The following DMGDH variants were observed in gnomAD, a reference collection of about 807,000 sequenced individuals.
DMGDH encodes dimethylglycine dehydrogenase, mitochondrial.
In DMGDH, 76 loss-of-function variants were observed where a neutral mutation model predicts 95.2. The observed-to-expected ratio is 0.80, with a 90% CI of 0.66 to 0.97. The LOEUF (loss-of-function observed/expected upper bound fraction) is 0.97, where lower values mean the gene tolerates loss of function less well. DMGDH is among the 50% of genes least tolerant of loss of function. The pLI, the probability that DMGDH is intolerant of heterozygous loss-of-function variation, is 0.00. For synonymous variants in DMGDH, 345 were observed against 377.6 expected, an observed-to-expected ratio of 0.91 and a Z score of 1.00; for missense variants, 987 against 1,055.0, an observed-to-expected ratio of 0.94 and a Z score of 0.89.
intron 7 of DMGDH, among the ~76,000 whole-genome samples, chr5:79,033,961 C>T (rs78815935): frequency 0.013 from 2,032 of 151,688 alleles, 38 homozygotes; most frequent in African/African-American, 0.047. Context: ...AAACCAACAA[C>T]AACAAACAAA....
In DMGDH at chr5:79,055,689, T is replaced by C. The variant is rs6873326; in HGVS notation, c.375+121A>G. ...GTTCTTACCTTAAACTCTCATCATATTCCTCTACTACATTAAGCACTCCAC... is the reference window on the plus strand; with the variant it reads ...GTTCTTACCTTAAACTCTCATCATACTCCTCTACTACATTAAGCACTCCAC... On this transcript the variant is annotated intron_variant, in intron 3 of 15. Coordinates refer to ENST00000255189, the MANE Select transcript of DMGDH (RefSeq NM_013391.3). 57,987 of 719,858 alleles carry C rather than the reference T, an allele frequency of 0.081. 2,767 individuals are homozygous for C. The highest frequency in any genetic ancestry group is 0.1 in the Non-Finnish European group (41,448 of 397,986). 44.6% of individuals were successfully genotyped at this position (719,858 alleles called of 1,614,324 possible).
intron 13 of DMGDH, among the ~76,000 whole-genome samples, chr5:79,024,708 A>T (rs773106919): frequency 6.6e-6 from 1 of 152,378 alleles, no homozygotes; most frequent in Non-Finnish European, 1.5e-5. Flanking sequence ...TTATCTTACA[A>T]TTCACCAAGA....
In DMGDH at chr5:79,006,847, C is replaced by CT. The variant is rs1561206454; in HGVS notation, c.2251-1441_2251-1440insA. On this transcript the variant is annotated intron_variant, in intron 14 of 15. Transcript: ENST00000255189. ...GTCCTCACACACCCTCACCTGAGACCCCCCCAGTCCATTCCTTTCCTAGTT... is the reference window on the plus strand; with the variant it reads ...GTCCTCACACACCCTCACCTGAGACCTCCCCCAGTCCATTCCTTTCCTAGTT... 9.4e-5 allele frequency among the ~76,000 whole-genome samples: 12 copies of CT among 127,092 alleles called. 1 individual carries two copies. In the East Asian group the frequency reaches 1.6e-3, roughly 17 times the overall value. The allele number at this position is 127,092 out of a possible 152,430, so 83.4% of individuals were successfully genotyped here. A position where few individuals can be genotyped will look rare whatever the true frequency, so the allele number is the denominator to read the frequency against.
intron 14 of DMGDH, among the ~76,000 whole-genome samples, chr5:79,013,649 A>T (rs1413446891): frequency 6.6e-6 from 1 of 152,224 alleles, no homozygotes; most frequent in East Asian, 1.9e-4. Flanking sequence ...TAATTGGCTC[A>T]CAGTTCTGTA....
At chr5:79,069,332 A>G (rs929255180) in intron 1 of DMGDH, among the ~76,000 whole-genome samples, 188 bp downstream of exon 1, 2 of 152,246 alleles carry the variant, frequency 1.3e-5, no homozygotes, top group African/African-American at 4.8e-5. Context: ...GGATTGGGGC[A>G]GGAGAGACTT....
chr5:79,050,040 T>A (rs1043321152), intron 5 of DMGDH, among the ~76,000 whole-genome samples: 1 of 151,708 alleles, frequency 6.6e-6, no homozygotes, highest in African/African-American at 2.4e-5. Context: ...GTAGATCACC[T>A]GAGGTCAGGA....
chr5:79,039,905 G>A (rs1054200438), intron 7 of DMGDH, among the ~76,000 whole-genome samples: 1 of 152,150 alleles, frequency 6.6e-6, no homozygotes, highest in African/African-American at 2.4e-5. Flanking sequence ...GGGCTAGGAA[G>A]GCACCTGGAA....
intron 7 of DMGDH, among the ~76,000 whole-genome samples, chr5:79,038,602 C>T (rs1050778593): frequency 6.6e-6 from 1 of 152,126 alleles, no homozygotes; most frequent in Non-Finnish European, 1.5e-5. Context: ...TATAAAGATG[C>T]TGTGGTATAA....
intron 1 of DMGDH, among the ~76,000 whole-genome samples, chr5:79,067,228 T>C (rs1288114479): frequency 6.6e-6 from 1 of 152,202 alleles, no homozygotes; most frequent in African/African-American, 2.4e-5. Context: ...GCAGTTTTGT[T>C]TCACCGGTTT....
intron 2 of DMGDH, among the ~76,000 whole-genome samples, chr5:79,059,679 A>T (rs754374998): frequency 6.6e-6 from 1 of 152,234 alleles, no homozygotes; most frequent in African/African-American, 2.4e-5. Flanking sequence ...ATTTCCAAAC[A>T]TCCCTTTTCA....
intron 11 of DMGDH, 135 bp downstream of exon 11, chr5:79,029,769 T>A (rs1052082429): frequency 1.0e-6 from 1 of 964,020 alleles, no homozygotes; most frequent in Non-Finnish European, 1.5e-6. Flanking sequence ...TTAAAAAAAA[T>A]AAAGTTTATT....
chr5:79,040,317 T>C (rs977404892), intron 7 of DMGDH, among the ~76,000 whole-genome samples: 2 of 152,070 alleles, frequency 1.3e-5, no homozygotes, highest in African/African-American at 4.8e-5. Flanking sequence ...AGAAAAGGAA[T>C]CAGAAAAAAG....
chr5:79,037,091 A>G (rs1374300735), intron 7 of DMGDH, among the ~76,000 whole-genome samples: 1 of 152,156 alleles, frequency 6.6e-6, no homozygotes, highest in Non-Finnish European at 1.5e-5. Flanking sequence ...CCAGGAAGAG[A>G]GCCCTCACCA....
chr5:79,018,956 T>A (rs1753799291), intron 14 of DMGDH, among the ~76,000 whole-genome samples: 1 of 152,130 alleles, frequency 6.6e-6, no homozygotes, highest in Admixed American at 6.6e-5. Flanking sequence ...TTTCCTTCTC[T>A]TCCCCTCCCC....
intron 4 of DMGDH, among the ~76,000 whole-genome samples, chr5:79,051,706 C>T (rs1245838920): frequency 6.6e-6 from 1 of 152,098 alleles, no homozygotes; most frequent in East Asian, 1.9e-4. Context: ...TTGTTTACAC[C>T]TTCTTATTTT....
At chr5:79,049,994 C>A (rs1283589047) in intron 5 of DMGDH, among the ~76,000 whole-genome samples, 1 of 151,906 alleles carries the variant, frequency 6.6e-6, no homozygotes, top group African/African-American at 2.4e-5. Flanking sequence ...CAGTGGCGCA[C>A]GCCTGTAATC....
In DMGDH at chr5:78,997,739, T is replaced by C. The variant is rs896621226; in HGVS notation, c.*343A>G. On this transcript the variant is annotated 3_prime_UTR_variant, in exon 16 of 16. Transcript: ENST00000255189. ...TTGTTTTCAGCTGTCAAGAACCGAA[T>C]GCATTTGTTACTAAAATTATAAAAT... 16 of 246,162 alleles carry C rather than the reference T, an allele frequency of 6.5e-5. No homozygotes were observed. Among genetic ancestry groups the C allele is most frequent in the African/African-American group, 3.4e-4 (15 of 43,892 alleles). The allele number at this position is 246,162 out of a possible 1,614,324, so 15.2% of individuals were successfully genotyped here. A position where few individuals can be genotyped will look rare whatever the true frequency, so the allele number is the denominator to read the frequency against.
At chr5:79,064,727 A>T (rs1473292161) in intron 1 of DMGDH, among the ~76,000 whole-genome samples, 2 of 151,964 alleles carry the variant, frequency 1.3e-5, no homozygotes, top group African/African-American at 4.8e-5. Context: ...TCTATTACAA[A>T]ATATATATAT....
intron 2 of DMGDH, among the ~76,000 whole-genome samples, chr5:79,056,606 C>T (rs1025433313): frequency 6.7e-6 from 1 of 148,984 alleles, no homozygotes; most frequent in Admixed American, 6.7e-5. Flanking sequence ...GTAATCCCAG[C>T]ACTTTGGGAG....
Sources: gnomAD v4.1 joint callset for allele counts (sites outside exome capture counted in the v4.1 genomes callset) on GRCh38, gnomAD v4.1.1 for gene constraint, MANE v1.5 for transcripts, NCBI Gene and HGNC (gene_info 2026-07-23, HGNC 2026-07-21) for gene names.